Variants in CIITA observed in about 807,000 individuals in gnomAD.
CIITA encodes the protein class II major histocompatibility complex transactivator.
A neutral mutation model predicts 115.1 loss-of-function variants in CIITA; 72 were observed. The ratio of observed to expected loss-of-function variants is 0.63; its 90% CI spans 0.52 to 0.76. The LOEUF (loss-of-function observed/expected upper bound fraction) is 0.76. Ranked by LOEUF, CIITA falls within the 30% of genes least tolerant of loss-of-function variation. The pLI, the probability that CIITA is intolerant of heterozygous loss-of-function variation, is 0.00. For missense variants in CIITA, 1,617 were observed against 1,463.8 expected (o/e 1.10, Z -1.71); for synonymous variants, 763 against 635.6 (o/e 1.20, Z -3.02).
rs958377773 is a variant in CIITA, at chr16:10,901,413, C to G, written c.437-101C>G. Reference sequence around the variant, plus strand: ...AAAATGGACCCCCAAGACCACTACCCAGCCTTGAAGTTAAGGCCGTATAGC... The same window carrying G: ...AAAATGGACCCCCAAGACCACTACCGAGCCTTGAAGTTAAGGCCGTATAGC... On this transcript the variant is annotated intron_variant, in intron 5 of 19. Coordinates refer to ENST00000324288, the MANE Select transcript of CIITA (RefSeq NM_000246.4). The surrounding 1 kb of genome is among the most constrained non-coding windows in gnomAD (Gnocchi z 6.8). 1 of 1,285,222 alleles carries G rather than the reference C, an allele frequency of 7.8e-7. No individual in the cohort carries two copies. Among genetic ancestry groups the G allele is most frequent in the East Asian group, 2.4e-5 (1 of 42,318 alleles). The allele number at this position is 1,285,222 out of a possible 1,614,324, so 79.6% of individuals were successfully genotyped here.
At chr16:10,918,582 G>A in intron 16 of CIITA, 56 bp downstream of exon 16, 1 of 1,492,940 alleles carries the variant, frequency 6.7e-7, no homozygotes, top group Non-Finnish European at 9.3e-7. Flanking sequence ...GCAGAGCGCA[G>A]GGAACCCACA....
chr16:10,877,313 G>A lies in CIITA; in HGVS notation c.-18G>A. 1 of 1,611,696 alleles carries A rather than the reference G, an allele frequency of 6.2e-7. No homozygotes were observed. ...TGCCAGACTCCGGGAGCTGCTGCCT[G>A]GCTGGGATTCCTACACAATGCGTTG... is the stretch of plus-strand genomic sequence containing the variant. On this transcript the variant is annotated 5_prime_UTR_variant, in exon 1 of 20. Transcript: ENST00000324288.
rs763766993 is a variant in CIITA, at chr16:10,918,465, C to G, written c.3088C>G (p.Leu1030Val). ...LNLSQNNITDLGAYKLAEALP... is the reference protein window; with the variant it reads ...LNLSQNNITDVGAYKLAEALP... ...TCTGTCCCAGAACAACATCACTGAC[C>G]TGGGTGCCTACAAACTCGCCGAGGC... The change falls in exon 16 of 20, where the codon CTG becomes GTG. Residue 1030 changes from leucine (L) to valine (V), a missense_variant. Leu to Val is a conservative substitution (Grantham distance 32, BLOSUM62 1). Coordinates refer to ENST00000324288, the MANE Select transcript of CIITA (RefSeq NM_000246.4). 6.2e-7 allele frequency: 1 copy of G among 1,614,222 alleles called. No homozygotes were observed.
intron 1 of CIITA, among the ~76,000 whole-genome samples, chr16:10,893,744 C>G (rs11074936): frequency 0.96 from 140,971 of 147,088 alleles, 67,826 homozygotes; most frequent in East Asian, 1. Flanking sequence ...GGGAGGCAGA[C>G]GTTGCAGTGA....
At chr16:10,902,316 C>T (rs547660684) in intron 7 of CIITA, 132 bp downstream of exon 7, 1 of 1,336,370 alleles carries the variant, frequency 7.5e-7, no homozygotes, top group Non-Finnish European at 1.0e-6. Flanking sequence ...CTCACCTCTG[C>T]CCCAGCCAGT....
Position 10,906,801 on chromosome 16 carries a change from T to G in CIITA, c.1309T>G (p.Trp437Gly). The G allele has an allele frequency of 1.2e-6, 2 of 1,612,370 alleles. No homozygotes were observed. The highest frequency in any genetic ancestry group is 1.7e-6 in the Non-Finnish European group (2 of 1,180,024). The change falls in exon 11 of 20, where the codon TGG becomes GGG. Residue 437 changes from tryptophan (W) to glycine (G), a missense_variant. Trp to Gly is a radical substitution (Grantham distance 184). Coordinates refer to ENST00000324288, the MANE Select transcript of CIITA (RefSeq NM_000246.4). Reference protein sequence around the residue: ...SYWAGAVSRAWACGRLPQYDF... With the variant: ...SYWAGAVSRAGACGRLPQYDF... ...TTGGGCTGGGGCAGTGAGCCGGGCC[T>G]GGGCTTGTGGCCGGCTTCCCCAGTA...
chr16:10,916,718 A>T, intron 15 of CIITA: 1 of 522,450 alleles, frequency 1.9e-6, no homozygotes, highest in African/African-American at 1.9e-5. Flanking sequence ...TCACTCATTC[A>T]CCTATTCAAT....
Position 10,907,008 on chromosome 16 carries a change from G to A in CIITA, c.1516G>A (p.Ala506Thr). 1 of 1,609,682 alleles carries A rather than the reference G, an allele frequency of 6.2e-7. No homozygotes were observed. ...CCTAGACGGCTTCGAGGAGCTGGAA[G>A]CGCAAGATGGCTTCCTGCACAGCAC... is the stretch of plus-strand genomic sequence containing the variant. Reference protein sequence around the residue: ...LILDGFEELEAQDGFLHSTCG... With the variant: ...LILDGFEELETQDGFLHSTCG... Residue 506 changes from alanine (A) to threonine (T), a missense_variant, in exon 11 of 20, where the codon GCG becomes ACG. Coordinates refer to ENST00000324288, the MANE Select transcript of CIITA (RefSeq NM_000246.4). The surrounding 1 kb of genome is among the most constrained non-coding windows in gnomAD (Gnocchi z 5.0).
At chr16:10,881,715 G>A (rs1163294621) in intron 1 of CIITA, among the ~76,000 whole-genome samples, 1 of 152,132 alleles carries the variant, frequency 6.6e-6, no homozygotes, top group Admixed American at 6.5e-5. Flanking sequence ...ACTTTCAAAT[G>A]TACATTTCAG....
At chr16:10,909,288 C>T in intron 12 of CIITA, 101 bp downstream of exon 12, 1 of 1,230,882 alleles carries the variant, frequency 8.1e-7, no homozygotes, top group South Asian at 1.3e-5. Flanking sequence ...TGCCCCCTGT[C>T]CTCTGGGACA....
At chr16:10,884,403 T>TTTCA (rs1159362163) in intron 1 of CIITA, among the ~76,000 whole-genome samples, 1 of 152,174 alleles carries the variant, frequency 6.6e-6, no homozygotes, top group African/African-American at 2.4e-5. Context: ...CTTACCATTC[T>TTTCA]TTCATTCATT....
chr16:10,934,337 A>G lies in CIITA; in HGVS notation c.*10482A>G, dbSNP rs2040932378. On this transcript the variant is annotated 3_prime_UTR_variant, in exon 20 of 20. Transcript: ENST00000324288. This position sits in a 1 kb window ranked among gnomAD's most constrained non-coding sequence, Gnocchi z 4.2. ...CAAAGCAGTAGAATTTGTCATACAC[A>G]GAAGGCAATGCTAAAAATACAATGA... 1 of 152,292 alleles carries G rather than the reference A, an allele frequency of 6.6e-6. No individual in the cohort carries two copies. The highest frequency in any genetic ancestry group is 1.5e-5 in the Non-Finnish European group (1 of 68,064). The allele number at this position is 152,292 out of a possible 1,614,324, so 9.4% of individuals were successfully genotyped here.
chr16:10,874,986 TG>T (rs2143347049), upstream of CIITA, among the ~76,000 whole-genome samples: 1 of 152,252 alleles, frequency 6.6e-6, no homozygotes, highest in Non-Finnish European at 1.5e-5. Context: ...TTCTTTTTTT[TG>T]AGACTGAGTC....
At chr16:10,939,512 C>A (rs1042645996), downstream of CIITA, 1 of 152,314 alleles carries the variant, frequency 6.6e-6, no homozygotes, top group Non-Finnish European at 1.5e-5. The surrounding 1 kb of genome is among the most constrained non-coding windows in gnomAD (Gnocchi z 4.9). Flanking sequence ...TGCGGAAAAA[C>A]CAACTCTCTC....
chr16:10,915,035 T>C (rs1371416056), intron 13 of CIITA: 3 of 456,128 alleles, frequency 6.6e-6, no homozygotes, highest in African/African-American at 6.0e-5. Context: ...CCAACTTACC[T>C]CTTTTTCTTT....
chr16:10,937,141 A>C (rs1374746581), downstream of CIITA: 4 of 152,320 alleles, frequency 2.6e-5, no homozygotes, highest in Non-Finnish European at 4.4e-5. The surrounding 1 kb of genome is among the most constrained non-coding windows in gnomAD (Gnocchi z 4.2). Context: ...AGCTGGCACC[A>C]ATGTACCCTA....
intron 5 of CIITA, among the ~76,000 whole-genome samples, chr16:10,900,565 C>A (rs1596523532): frequency 6.6e-6 from 1 of 151,936 alleles, no homozygotes; most frequent in African/African-American, 2.4e-5. Flanking sequence ...CATGGTGAAA[C>A]CCCATCTCTA....
In CIITA at chr16:10,877,299, G is replaced by T; in HGVS notation, c.-32G>T. 1.2e-6 allele frequency: 2 copies of T among 1,607,638 alleles called. No individual in the cohort carries two copies. The highest frequency in any genetic ancestry group is 1.7e-6 in the Non-Finnish European group (2 of 1,176,636). ...GCACGAGGAGGGGCTGCCAGACTCC[G>T]GGAGCTGCTGCCTGGCTGGGATTCC... On this transcript the variant is annotated 5_prime_UTR_variant, in exon 1 of 20. Transcript: ENST00000324288.
intron 13 of CIITA, among the ~76,000 whole-genome samples, chr16:10,912,493 T>A (rs1395994408): frequency 6.6e-6 from 1 of 152,160 alleles, no homozygotes; most frequent in African/African-American, 2.4e-5. Context: ...ATCTTCCCCA[T>A]TTTACAGATG....
Sources: allele counts gnomAD v4.1 joint callset (sites outside exome capture counted in the v4.1 genomes callset), GRCh38; gene constraint gnomAD v4.1.1; non-coding constraint Gnocchi (gnomAD v3.1); transcripts MANE v1.5; gene names NCBI Gene and HGNC (gene_info 2026-07-23, HGNC 2026-07-21).